The following SRCIN1 variants were observed in gnomAD, a reference collection of about 807,000 sequenced individuals.
SRCIN1 encodes P130Cas-associated protein.
SRCIN1 carries 50 observed loss-of-function variants against 116.2 expected under a neutral mutation model. The observed-to-expected ratio is 0.43, with a 90% CI of 0.34 to 0.54. SRCIN1 has a LOEUF of 0.54. Among genes scored for constraint, SRCIN1 ranks in the 20% least tolerant of loss-of-function variants. The pLI is 0.02. For synonymous variants in SRCIN1, 736 were observed against 750.0 expected, an observed-to-expected ratio of 0.98 and a Z score of 0.30; for missense variants, 1,446 against 1,672.0, an observed-to-expected ratio of 0.86 and a Z score of 2.36.
Position 38,565,381 on chromosome 17 carries a change from T to C in SRCIN1, c.346-1068A>G, listed in dbSNP as rs143912600. 5.0e-3 allele frequency among the ~76,000 whole-genome samples: 755 copies of C among 152,342 alleles called. 1 individual carries two copies. Among genetic ancestry groups the C allele is most frequent in the African/African-American group, 0.017 (722 of 41,568 alleles). On this transcript the variant is annotated intron_variant, in intron 3 of 18. Coordinates refer to ENST00000617146, the MANE Select transcript of SRCIN1 (RefSeq NM_025248.3). The stretch of plus-strand genomic sequence containing the variant: ...ATATGTATTACATATACATATACTG[T>C]CAAGAAATAATCATGTTGCCCAATT...
At chr17:38,566,931 T>G (rs1158295236) in intron 3 of SRCIN1, among the ~76,000 whole-genome samples, 1 of 151,218 alleles carries the variant, frequency 6.6e-6, no homozygotes, top group Non-Finnish European at 1.5e-5. Context: ...CTTTCTTTCC[T>G]TCTTTCTCTC....
rs1311639615 is a variant in SRCIN1 at position 38,572,375 on chromosome 17, G to T, written c.325-4144C>A. Among the ~76,000 whole-genome samples the T allele has an allele frequency of 7.1e-6, 1 of 141,002 alleles. No homozygotes were observed. The allele number at this position is 141,002 out of a possible 152,430, so 92.5% of individuals were successfully genotyped here. Reference sequence around the variant, plus strand: ...GTGTGTGTGTGGGTGGGTGGGTGGGGGTGCTGTGGGACGCTGGGGAAGAGG... The same window carrying T: ...GTGTGTGTGTGGGTGGGTGGGTGGGTGTGCTGTGGGACGCTGGGGAAGAGG... On this transcript the variant is annotated intron_variant, in intron 2 of 18. Transcript: ENST00000617146. The surrounding 1 kb of genome is among the most constrained non-coding windows in gnomAD (Gnocchi z 4.3).
chr17:38,550,711 G>A (rs1159217563), intron 15 of SRCIN1, among the ~76,000 whole-genome samples: 1 of 152,180 alleles, frequency 6.6e-6, no homozygotes, highest in East Asian at 1.9e-4. Context: ...TGCATTGCAG[G>A]AATGAATAAA....
At chr17:38,540,807 A>G (rs939491791) in intron 18 of SRCIN1, among the ~76,000 whole-genome samples, 1 of 151,726 alleles carries the variant, frequency 6.6e-6, no homozygotes, top group African/African-American at 2.4e-5. Context: ...TGCATTTTAC[A>G]AAGTTCCCTC....
At chr17:38,588,099 A>G (rs1908222572) in intron 1 of SRCIN1, among the ~76,000 whole-genome samples, 1 of 141,672 alleles carries the variant, frequency 7.1e-6, no homozygotes, top group African/African-American at 2.9e-5. Context: ...GCAGAAGCTA[A>G]TAACAGGCAA....
chr17:38,605,716 C>T lies in SRCIN1; in HGVS notation c.-11G>A. The T allele has an allele frequency of 8.4e-7, 1 of 1,187,672 alleles. No homozygotes were observed. Among genetic ancestry groups the T allele is most frequent in the Non-Finnish European group, 1.1e-6 (1 of 949,578 alleles). The allele number at this position is 1,187,672 out of a possible 1,614,324, so 73.6% of individuals were successfully genotyped here. On this transcript the variant is annotated 5_prime_UTR_variant, in exon 1 of 19. Transcript: ENST00000617146. ...CGGAGCGTTCCCCATCGGGCGGGGGCGCGGGGGGCGGGGGCCCCGGGCCGG... is the reference window on the plus strand; with the variant it reads ...CGGAGCGTTCCCCATCGGGCGGGGGTGCGGGGGGCGGGGGCCCCGGGCCGG...
rs1453518665 is a variant in SRCIN1, at chr17:38,605,724, G to C, written c.-19C>G. 1 of 1,176,690 alleles carries C rather than the reference G, an allele frequency of 8.5e-7. No individual in the cohort carries two copies. The highest frequency in any genetic ancestry group is 3.8e-5 in the East Asian group (1 of 26,318). The allele number at this position is 1,176,690 out of a possible 1,614,324, so 72.9% of individuals were successfully genotyped here. ...TCCCCATCGGGCGGGGGCGCGGGGG[G>C]CGGGGGCCCCGGGCCGGCCTGCCTG... On this transcript the variant is annotated 5_prime_UTR_variant, in exon 1 of 19. Coordinates refer to ENST00000617146, the MANE Select transcript of SRCIN1 (RefSeq NM_025248.3).
chr17:38,551,689 G>T, intron 14 of SRCIN1, 197 bp downstream of exon 14: 1 of 818,302 alleles, frequency 1.2e-6, no homozygotes, highest in Non-Finnish European at 1.9e-6. Flanking sequence ...TTTGATTATT[G>T]TAGCTTTATA....
chr17:38,593,396 G>C (rs1034607071), intron 1 of SRCIN1, among the ~76,000 whole-genome samples: 6 of 152,132 alleles, frequency 3.9e-5, no homozygotes, highest in Admixed American at 1.3e-4. Context: ...AGAGTGCAGA[G>C]AGTGAGGAAA....
intron 7 of SRCIN1, 136 bp from the exon 8 acceptor site, chr17:38,560,561 G>A (rs1906166169): frequency 1.4e-6 from 1 of 693,532 alleles, no homozygotes; most frequent in Non-Finnish European, 2.5e-6. Context: ...AACGCAAAGG[G>A]CCCCAATGCC....
intron 11 of SRCIN1, among the ~76,000 whole-genome samples, chr17:38,557,897 A>G (rs1905911819): frequency 6.6e-6 from 1 of 152,234 alleles, no homozygotes; most frequent in South Asian, 2.1e-4. Context: ...GCCAAAATGA[A>G]AGTAGGCAGA....
rs998062766 is a variant in SRCIN1 at position 38,570,365 on chromosome 17, C to T, written c.325-2134G>A. On this transcript the variant is annotated intron_variant, in intron 2 of 18. Coordinates refer to ENST00000617146, the MANE Select transcript of SRCIN1 (RefSeq NM_025248.3). ...TGCTGATGGCATTCACACTCACCCT[C>T]AAAACACCACAGTCACAGAAACAGA... Among the ~76,000 whole-genome samples, 3 of 152,230 alleles carry T rather than the reference C, an allele frequency of 2.0e-5. No homozygotes were observed. The East Asian group carries it at 5.8e-4, about 29-fold the overall frequency.
chr17:38,545,836 C>A (rs1184581805), intron 17 of SRCIN1, among the ~76,000 whole-genome samples: 1 of 152,190 alleles, frequency 6.6e-6, no homozygotes, highest in Non-Finnish European at 1.5e-5. Context: ...GCTCGCTGGG[C>A]ATGTTGTGAG....
Position 38,548,687 on chromosome 17 carries a change from T to C in SRCIN1, c.3140A>G (p.Glu1047Gly). The C allele has an allele frequency of 6.2e-7, 1 of 1,607,868 alleles. No homozygotes were observed. Among genetic ancestry groups the C allele is most frequent in the Non-Finnish European group, 8.5e-7 (1 of 1,177,856 alleles). Residue 1047 changes from glutamate (E) to glycine (G), a missense_variant, in exon 17 of 19, where the codon GAG becomes GGG. Glu to Gly is a moderately conservative substitution (Grantham distance 98). Transcript: ENST00000617146. ...CAGCTTCACCTGGGGCTTCTGCACC[T>C]CCAGCTCCTCGGACTCAGCCTTCTG... Reference protein sequence around the residue: ...FIKKAESEELEVQKPQVKLRR... With the variant: ...FIKKAESEELGVQKPQVKLRR...
At chr17:38,580,115 C>T (rs758709394) in intron 1 of SRCIN1, among the ~76,000 whole-genome samples, 11 of 152,156 alleles carry the variant, frequency 7.2e-5, no homozygotes, top group Admixed American at 2.0e-4. Flanking sequence ...ACAGGGGACG[C>T]GGCTGGAAAC....
intron 18 of SRCIN1, among the ~76,000 whole-genome samples, chr17:38,539,858 T>C (rs1041149387): frequency 6.6e-6 from 1 of 151,604 alleles, no homozygotes; most frequent in Non-Finnish European, 1.5e-5. Context: ...CCACCTCTAC[T>C]GAAAATACAA....
intron 2 of SRCIN1, among the ~76,000 whole-genome samples, chr17:38,573,036 C>T (rs544229085): frequency 6.6e-6 from 1 of 152,186 alleles, no homozygotes; most frequent in South Asian, 2.1e-4. Context: ...GCCCGGGACT[C>T]GGGTTGCAGC....
chr17:38,580,277 A>AACAC (rs151312373), intron 1 of SRCIN1, among the ~76,000 whole-genome samples: 3 of 150,340 alleles, frequency 2.0e-5, no homozygotes, highest in Middle Eastern at 3.4e-3. Context: ...ACCTGCCCCC[A>AACAC]ACACACACAC....
intron 1 of SRCIN1, among the ~76,000 whole-genome samples, chr17:38,586,976 G>C (rs1485850801): frequency 6.6e-6 from 1 of 151,614 alleles, no homozygotes. Flanking sequence ...ATTTGAGGGG[G>C]TCAAGCTCCC....
Sources: allele counts gnomAD v4.1 joint callset (sites outside exome capture counted in the v4.1 genomes callset), GRCh38; gene constraint gnomAD v4.1.1; non-coding constraint Gnocchi (gnomAD v3.1); transcripts MANE v1.5; gene names NCBI Gene and HGNC (gene_info 2026-07-23, HGNC 2026-07-21).